Variants in TG observed in about 807,000 individuals in gnomAD.
TG encodes the protein thyroglobulin.
A neutral mutation model predicts 324.7 loss-of-function variants in TG; 270 were observed. That is an observed-to-expected ratio of 0.83 (90% CI 0.75 to 0.92). TG has a LOEUF of 0.92. Among genes scored for constraint, TG ranks in the 40% least tolerant of loss-of-function variants. The pLI is 0.00. For missense variants in TG, 3,591 were observed against 3,456.4 expected (o/e 1.04, Z -0.98); for synonymous variants, 1,401 against 1,327.0 (o/e 1.06, Z -1.21).
rs575242400 is a variant in TG, at chr8:132,866,985, A to C, written c.-16A>C. 1.3e-5 allele frequency: 21 copies of C among 1,582,744 alleles called. No individual in the cohort carries two copies. The highest frequency in any genetic ancestry group is 1.8e-5 in the Non-Finnish European group (21 of 1,162,124). On this transcript the variant is annotated 5_prime_UTR_variant, in exon 1 of 48. Coordinates refer to ENST00000220616, the MANE Select transcript of TG (RefSeq NM_003235.5). ...GCAGTGGTTTCTCCTCCTTCCTCCC[A>C]GGAAGGGCCAGGAAAATGGCCCTGG...
At chr8:133,061,333 T>G (rs1251587959) in intron 41 of TG, among the ~76,000 whole-genome samples, 1 of 152,146 alleles carries the variant, frequency 6.6e-6, no homozygotes, top group East Asian at 1.9e-4. Flanking sequence ...TTTCTGACTG[T>G]TTTGGGGAAC....
chr8:133,065,484 G>A (rs1343958842), intron 41 of TG, among the ~76,000 whole-genome samples: 4 of 152,276 alleles, frequency 2.6e-5, no homozygotes, highest in Middle Eastern at 3.4e-3. Flanking sequence ...TTATCAGGCC[G>A]GGCGCGGTGG....
chr8:132,897,610 AG>A (rs1817301829), intron 11 of TG, 38 bp from the exon 12 acceptor site: 6 of 1,613,672 alleles, frequency 3.7e-6, no homozygotes, highest in Admixed American at 3.3e-5. Flanking sequence ...CACACAGAGC[AG>A]GTGGTCATAT....
In TG at chr8:132,897,650, C is replaced by T. The variant is rs759271723; in HGVS notation, c.3003C>T (p.Thr1001=). 1.6e-5 allele frequency: 26 copies of T among 1,614,094 alleles called. No homozygotes were observed. Among genetic ancestry groups the T allele is most frequent in the Non-Finnish European group, 1.9e-5 (23 of 1,180,054 alleles). ...GCTTTTCTCCTTCCCTGACTCCAGC[C>T]TTAAGCTTCTATCAGAGACGCCGCT... ...DYAIRLAAQS[T]LSFYQRRRFS... is the part of the protein sequence containing the mutation. The change falls in exon 12 of 48, where the codon ACC becomes ACT. Residue 1001 remains threonine, a splice_region_variant and synonymous_variant. Transcript: ENST00000220616.
At chr8:132,878,854 T>A (rs923198408) in intron 5 of TG, among the ~76,000 whole-genome samples, 1 of 152,136 alleles carries the variant, frequency 6.6e-6, no homozygotes. Flanking sequence ...CATTCGTGGC[T>A]TTAGAATCCC....
rs754946921 is a variant in TG, at chr8:133,113,622, G to C, written c.7754+19G>C. 3.1e-6 allele frequency: 5 copies of C among 1,612,352 alleles called. No homozygotes were observed. The highest frequency in any genetic ancestry group is 3.3e-5 in the Admixed American group (2 of 59,770). ...CCACCCGGTAAGCTAAGCTGCAGGAGGGTGCAGATTCCTACTGCTATGTTT... is the reference window on the plus strand; with the variant it reads ...CCACCCGGTAAGCTAAGCTGCAGGACGGTGCAGATTCCTACTGCTATGTTT... On this transcript the variant is annotated intron_variant, in intron 44 of 47. Transcript: ENST00000220616.
In TG at chr8:132,882,547, C is replaced by G; in HGVS notation, c.824C>G (p.Thr275Ser). 6.2e-7 allele frequency: 1 copy of G among 1,614,214 alleles called. No homozygotes were observed. The highest frequency in any genetic ancestry group is 8.5e-7 in the Non-Finnish European group (1 of 1,180,042). The change falls in exon 7 of 48, where the codon ACC (threonine) becomes AGC (serine). Residue 275 changes from threonine to serine, a missense_variant. Transcript: ENST00000220616. Reference sequence around the variant, plus strand: ...CTTCCTTCCACCTTCACTGAAACCACCCTGTACCGGATACTGCAGAGACGG... The same window carrying G: ...CTTCCTTCCACCTTCACTGAAACCAGCCTGTACCGGATACTGCAGAGACGG... ...LDLPSTFTET[T>S]LYRILQRRFL...
intron 41 of TG, among the ~76,000 whole-genome samples, chr8:133,040,770 G>A (rs1302009078): frequency 6.6e-6 from 1 of 152,086 alleles, no homozygotes; most frequent in African/African-American, 2.4e-5. Flanking sequence ...GGTGAAAATA[G>A]CACAAAAAGT....
chr8:133,018,148 C>T (rs1835218925), intron 38 of TG, 151 bp downstream of exon 38: 2 of 834,822 alleles, frequency 2.4e-6, no homozygotes, highest in South Asian at 2.9e-5. Context: ...TCATTAAGTG[C>T]TGTGACAGAT....
intron 45 of TG, among the ~76,000 whole-genome samples, chr8:133,122,529 C>T (rs964065423): frequency 9.2e-5 from 14 of 152,200 alleles, no homozygotes; most frequent in Non-Finnish European, 1.5e-4. Context: ...ATCCTAAACC[C>T]TATTGAGTGC....
chr8:133,041,713 A>G (rs1198174935), intron 41 of TG, among the ~76,000 whole-genome samples: 1 of 151,974 alleles, frequency 6.6e-6, no homozygotes. Context: ...TCATAAGCAC[A>G]TAACATGAGC....
chr8:133,094,723 G>A (rs369090681), intron 41 of TG: 3 of 409,890 alleles, frequency 7.3e-6, no homozygotes, highest in Non-Finnish European at 1.4e-5. Context: ...CACAATCTCC[G>A]ATCCTCTTAA....
At chr8:132,989,980 G>A (rs1418483247) in intron 35 of TG, among the ~76,000 whole-genome samples, 2 of 152,032 alleles carry the variant, frequency 1.3e-5, no homozygotes, top group Non-Finnish European at 2.9e-5. Context: ...CAGTCTAGCA[G>A]GCTTTTGTTG....
chr8:132,999,662 C>T (rs1463915472), intron 35 of TG, among the ~76,000 whole-genome samples: 7 of 152,334 alleles, frequency 4.6e-5, no homozygotes, highest in Admixed American at 2.0e-4. Context: ...AGGCCTATCA[C>T]ATTTTTAAAG....
intron 41 of TG, among the ~76,000 whole-genome samples, chr8:133,071,192 G>A (rs2131428922): frequency 6.6e-6 from 1 of 152,330 alleles, no homozygotes; most frequent in South Asian, 2.1e-4. Context: ...TGTGTCCTAG[G>A]TGTGTTACAT....
chr8:133,036,777 A>C (rs777828708), intron 41 of TG: 9 of 152,662 alleles, frequency 5.9e-5, no homozygotes, highest in Non-Finnish European at 1.3e-4. Context: ...GAATAAATAC[A>C]TGATTTAGCA....
chr8:132,887,207 C>G lies in TG; in HGVS notation c.1835C>G (p.Pro612Arg), dbSNP rs772505924. 1.7e-5 allele frequency: 27 copies of G among 1,612,132 alleles called. No homozygotes were observed. The East Asian group carries it at 5.6e-4, about 33-fold the overall frequency. ...AGCTCCCAGACCTGTGAGCAGACAC[C>G]TGAAAGGCTATTTGTCCCATCATGC... ...VLSSQTCEQT[P>R]ERLFVPSCTT... Residue 612 changes from proline to arginine, a missense_variant, in exon 9 of 48, where the codon CCT becomes CGT. Transcript: ENST00000220616.
At chr8:133,011,218 C>T (rs1564070352) in intron 35 of TG, among the ~76,000 whole-genome samples, 2 of 152,190 alleles carry the variant, frequency 1.3e-5, no homozygotes, top group South Asian at 2.1e-4. Context: ...CAGATTTGTT[C>T]CATCTTGAGG....
At chr8:133,130,356 T>C (rs1378241731) in intron 45 of TG, among the ~76,000 whole-genome samples, 1 of 152,210 alleles carries the variant, frequency 6.6e-6, no homozygotes, top group Non-Finnish European at 1.5e-5. Flanking sequence ...TTACCTTCCA[T>C]GGCAAAAGAA....
Sources: gnomAD v4.1 joint callset for allele counts (sites outside exome capture counted in the v4.1 genomes callset) on GRCh38, gnomAD v4.1.1 for gene constraint, MANE v1.5 for transcripts, NCBI Gene and HGNC (gene_info 2026-07-23, HGNC 2026-07-21) for gene names.